ADCY5: variants seen among roughly 807,000 people sequenced by gnomAD.
ADCY5 encodes the protein adenylate cyclase type 5.
Under a neutral mutation model 119.7 loss-of-function variants are expected in ADCY5, and 30 were observed. That is an observed-to-expected ratio of 0.25 (90% CI 0.19 to 0.34). The LOEUF (loss-of-function observed/expected upper bound fraction) is 0.34. Among genes scored for constraint, ADCY5 ranks in the 10% least tolerant of loss-of-function variants. The pLI, the probability that ADCY5 is intolerant of heterozygous loss-of-function variation, is 1.00. For missense variants in ADCY5, 1,324 were observed against 1,775.2 expected (o/e 0.75, Z 4.57); for synonymous variants, 753 against 762.2 (o/e 0.99, Z 0.20).
rs535863065 is a variant in ADCY5 at position 123,295,853 on chromosome 3, T to C, written c.3063+231A>G. On this transcript the variant is annotated intron_variant, in intron 17 of 20. Coordinates refer to ENST00000462833, the MANE Select transcript of ADCY5 (RefSeq NM_183357.3). The stretch of plus-strand genomic sequence containing the variant: ...CGTCAGAGTCCCAGCACTGTCAGCA[T>C]GGGTTTGTCTGCACAGAGTAAGTCC... 1.6e-3 allele frequency among the ~76,000 whole-genome samples: 244 copies of C among 152,352 alleles called. 2 individuals are homozygous for C. Among genetic ancestry groups the C allele is most frequent in the African/African-American group, 5.6e-3 (233 of 41,594 alleles).
chr3:123,433,614 G>A (rs192214865), intron 1 of ADCY5, among the ~76,000 whole-genome samples: 2 of 152,262 alleles, frequency 1.3e-5, no homozygotes, highest in African/African-American at 4.8e-5. Context: ...ATGGTGCTGG[G>A]GAACTGGGCT....
rs1306415455 is a variant in ADCY5 at position 123,282,743 on chromosome 3, C to G, written c.*1865G>C. The G allele has an allele frequency of 1.3e-5, 2 of 152,342 alleles. No homozygotes were observed. Among genetic ancestry groups the G allele is most frequent in the South Asian group, 2.1e-4 (1 of 4,828 alleles). The allele number at this position is 152,342 out of a possible 1,614,324, so 9.4% of individuals were successfully genotyped here. A position where few individuals can be genotyped will look rare whatever the true frequency, so the allele number is the denominator to read the frequency against. ...TTTTGGGTCCACACACTTTGCTTCT[C>G]AGAGCTGTGTTCAGTTGGTGTGCGG... is the stretch of plus-strand genomic sequence containing the variant. On this transcript the variant is annotated 3_prime_UTR_variant, in exon 21 of 21. Coordinates refer to ENST00000462833, the MANE Select transcript of ADCY5 (RefSeq NM_183357.3).
At chr3:123,387,268 G>T (rs888458132) in intron 1 of ADCY5, among the ~76,000 whole-genome samples, 1 of 152,126 alleles carries the variant, frequency 6.6e-6, no homozygotes, top group African/African-American at 2.4e-5. Context: ...GAAATGCATC[G>T]ATGCTTTTTA....
chr3:123,296,325 C>T lies in ADCY5; in HGVS notation c.2931-109G>A, dbSNP rs1195798101. 5 of 1,241,084 alleles carry T rather than the reference C, an allele frequency of 4.0e-6. No homozygotes were observed. In the Admixed American group the frequency reaches 1.1e-4, roughly 28 times the overall value. The allele number at this position is 1,241,084 out of a possible 1,614,324, so 76.9% of individuals were successfully genotyped here. A position where few individuals can be genotyped will look rare whatever the true frequency, so the allele number is the denominator to read the frequency against. On this transcript the variant is annotated intron_variant, in intron 16 of 20. Transcript: ENST00000462833. Reference sequence around the variant, plus strand: ...CCCTGTTTTCTTCCTCCCACTATACCTTCCCCTCTTCCTTATCCCCCTGCT... The same window carrying T: ...CCCTGTTTTCTTCCTCCCACTATACTTTCCCCTCTTCCTTATCCCCCTGCT...
intron 20 of ADCY5, among the ~76,000 whole-genome samples, chr3:123,285,037 G>C (rs1938643677): frequency 6.6e-6 from 1 of 152,222 alleles, no homozygotes; most frequent in Non-Finnish European, 1.5e-5. Flanking sequence ...ACTGCCCTGA[G>C]TCCAGAATAA....
intron 3 of ADCY5, among the ~76,000 whole-genome samples, chr3:123,339,188 A>C (rs1321084923): frequency 1.3e-5 from 2 of 152,192 alleles, no homozygotes; most frequent in Non-Finnish European, 2.9e-5. Flanking sequence ...TGGATGGGCC[A>C]GTGGTCTCTT....
At chr3:123,381,554 G>A (rs1361797920) in intron 1 of ADCY5, among the ~76,000 whole-genome samples, 1 of 152,244 alleles carries the variant, frequency 6.6e-6, no homozygotes, top group African/African-American at 2.4e-5. Context: ...CTTCATGCAT[G>A]TGTGATCTGT....
chr3:123,405,192 C>T (rs1333948776), intron 1 of ADCY5, among the ~76,000 whole-genome samples: 2 of 152,252 alleles, frequency 1.3e-5, no homozygotes, highest in Non-Finnish European at 2.9e-5. Flanking sequence ...AGCACAGGCT[C>T]CCCAGTCCTG....
chr3:123,359,130 G>A (rs1250788458), intron 1 of ADCY5, among the ~76,000 whole-genome samples: 2 of 115,034 alleles, frequency 1.7e-5, no homozygotes, highest in Non-Finnish European at 4.3e-5. Flanking sequence ...TCCTGTTCCC[G>A]GTAAGTCAGC....
In ADCY5 at chr3:123,392,247, C is replaced by A. The variant is rs145222058; in HGVS notation, c.1135-39666G>T. Among the ~76,000 whole-genome samples the A allele has an allele frequency of 4.4e-4, 67 of 152,276 alleles. 1 individual carries two copies. In the East Asian group the frequency reaches 0.012, roughly 28 times the overall value. On this transcript the variant is annotated intron_variant, in intron 1 of 20. Transcript: ENST00000462833. ...AATTAAGGGGGATTTTATCCTTTCT[C>A]CTTTATACTTTTTTAACTTTCCAGA...
intron 1 of ADCY5, among the ~76,000 whole-genome samples, chr3:123,412,244 T>A (rs1464615673): frequency 1.3e-5 from 2 of 152,228 alleles, no homozygotes; most frequent in African/African-American, 4.8e-5. Context: ...GGGGGCCCTG[T>A]GTCCTACTGC....
intron 1 of ADCY5, among the ~76,000 whole-genome samples, chr3:123,399,280 G>A (rs867043482): frequency 6.6e-6 from 1 of 152,212 alleles, no homozygotes; most frequent in South Asian, 2.1e-4. Flanking sequence ...GTTAAATAAA[G>A]TGTATGCCTA....
intron 1 of ADCY5, among the ~76,000 whole-genome samples, chr3:123,397,163 C>T (rs143022740): frequency 6.6e-6 from 1 of 152,348 alleles, no homozygotes; most frequent in African/African-American, 2.4e-5. Context: ...CCTGCCAGCA[C>T]TTGCCTCTGT....
At chr3:123,389,824 C>T (rs899029632) in intron 1 of ADCY5, among the ~76,000 whole-genome samples, 2 of 152,156 alleles carry the variant, frequency 1.3e-5, no homozygotes, top group African/African-American at 2.4e-5. Flanking sequence ...ACTAATTTAA[C>T]GGACAGTGCA....
intron 1 of ADCY5, among the ~76,000 whole-genome samples, chr3:123,385,475 T>C (rs1419172619): frequency 1.3e-5 from 2 of 152,164 alleles, no homozygotes; most frequent in East Asian, 3.9e-4. Flanking sequence ...GCCAGACACA[T>C]AGTCTTGGTG....
rs1022122900 is a variant in ADCY5 at position 123,328,581 on chromosome 3, C to T, written c.1805+63G>A. The T allele has an allele frequency of 3.0e-5, 48 of 1,583,168 alleles. No homozygotes were observed. The Middle Eastern group carries it at 1.0e-3, about 33-fold the overall frequency. On this transcript the variant is annotated intron_variant, in intron 6 of 20. Coordinates refer to ENST00000462833, the MANE Select transcript of ADCY5 (RefSeq NM_183357.3). ...CCGCCTCGCCTCTGCAGGATGGTCA[C>T]CCTGGGTGGGCTTGAGTGGGAACCC...
intron 1 of ADCY5, among the ~76,000 whole-genome samples, chr3:123,425,710 C>CT (rs1216149532): frequency 6.6e-6 from 1 of 151,536 alleles, no homozygotes; most frequent in Non-Finnish European, 1.5e-5. Flanking sequence ...CCAGCCCACC[C>CT]CCCAGTTCAC....
At chr3:123,384,569 A>G (rs1018960401) in intron 1 of ADCY5, among the ~76,000 whole-genome samples, 1 of 152,180 alleles carries the variant, frequency 6.6e-6, no homozygotes, top group Non-Finnish European at 1.5e-5. Flanking sequence ...AGGTGTGTCC[A>G]CAGACACTGC....
At chr3:123,290,967 G>T in intron 18 of ADCY5, 146 bp downstream of exon 18, 1 of 1,094,398 alleles carries the variant, frequency 9.1e-7, no homozygotes, top group Non-Finnish European at 1.3e-6. Context: ...TGGGGACACG[G>T]TCAGGTTCCC....
Sources: allele counts gnomAD v4.1 joint callset (sites outside exome capture counted in the v4.1 genomes callset), GRCh38; gene constraint gnomAD v4.1.1; transcripts MANE v1.5; gene names NCBI Gene and HGNC (gene_info 2026-07-23, HGNC 2026-07-21).